SPATA16: variants seen among roughly 807,000 people sequenced by gnomAD.
SPATA16 encodes spermatogenesis associated 16, also known as spermatogenesis-associated protein 16.
SPATA16 carries 36 observed loss-of-function variants against 63.3 expected under a neutral mutation model. The ratio of observed to expected loss-of-function variants is 0.57; its 90% confidence interval spans 0.44 to 0.75. The LOEUF (loss-of-function observed/expected upper bound fraction) is 0.75, where lower values mean the gene tolerates loss of function less well. Ranked by LOEUF, SPATA16 falls within the 30% of genes least tolerant of loss-of-function variation. The probability of loss-of-function intolerance (pLI) is 0.00; values close to 1 mark genes in which losing one functional copy is unlikely to be tolerated. For synonymous variants in SPATA16, 203 were observed against 216.7 expected (o/e 0.94, Z 0.56); for missense variants, 646 against 679.3 (o/e 0.95, Z 0.54).
At chr3:173,027,367 T>G (rs1256196781) in intron 3 of SPATA16, among the ~76,000 whole-genome samples, 1 of 152,000 alleles carries the variant, frequency 6.6e-6, no homozygotes, top group African/African-American at 2.4e-5. Flanking sequence ...CAACTAAAGA[T>G]GACTTATTTA....
Position 172,939,615 on chromosome 3 carries a change from G to T in SPATA16, c.1082-14123C>A, listed in dbSNP as rs532665711. Among the ~76,000 whole-genome samples the T allele has an allele frequency of 2.6e-5, 4 of 152,288 alleles. No homozygotes were observed. The South Asian group carries it at 8.3e-4, about 32-fold the overall frequency. Reference sequence around the variant, plus strand: ...TTGGTGAAGCCCTAACACAGACTACGATTACACTGAAAGAATATAGAAATG... The same window carrying T: ...TTGGTGAAGCCCTAACACAGACTACTATTACACTGAAAGAATATAGAAATG... On this transcript the variant is annotated intron_variant, in intron 6 of 10. Coordinates refer to ENST00000351008, the MANE Select transcript of SPATA16 (RefSeq NM_031955.6).
chr3:173,014,682 G>A (rs1271366341), intron 4 of SPATA16, among the ~76,000 whole-genome samples: 1 of 152,236 alleles, frequency 6.6e-6, no homozygotes, highest in Non-Finnish European at 1.5e-5. Context: ...AATCTGCAAA[G>A]TTGAACCTAC....
chr3:173,133,638 T>A (rs1349683477), intron 1 of SPATA16, among the ~76,000 whole-genome samples: 1 of 152,116 alleles, frequency 6.6e-6, no homozygotes, highest in Non-Finnish European at 1.5e-5. Flanking sequence ...ACAATTTAAA[T>A]CTGTCTTCAG....
intron 3 of SPATA16, among the ~76,000 whole-genome samples, chr3:173,039,232 CA>C (rs1372197588): frequency 6.6e-6 from 1 of 151,992 alleles, no homozygotes; most frequent in African/African-American, 2.4e-5. Context: ...ATGACTTGTT[CA>C]ACTCATTAGA....
intron 4 of SPATA16, among the ~76,000 whole-genome samples, chr3:173,006,295 G>A (rs560203599): frequency 1.3e-5 from 2 of 152,276 alleles, no homozygotes; most frequent in South Asian, 4.1e-4. Flanking sequence ...AAAGATTAAT[G>A]CTAGAACACA....
At chr3:173,086,306 TC>T (rs1435318168) in intron 2 of SPATA16, among the ~76,000 whole-genome samples, 1 of 152,162 alleles carries the variant, frequency 6.6e-6, no homozygotes, top group Non-Finnish European at 1.5e-5. Context: ...TTCTAGACTT[TC>T]CAGTTTATTT....
chr3:173,136,899 C>T (rs143234141), intron 1 of SPATA16, among the ~76,000 whole-genome samples: 424 of 152,140 alleles, frequency 2.8e-3, no homozygotes, highest in African/African-American at 9.4e-3. Context: ...ACCAAGTAGA[C>T]GAATAAGCTT....
intron 9 of SPATA16, among the ~76,000 whole-genome samples, chr3:172,915,999 G>A (rs1488332240): frequency 1.3e-5 from 2 of 152,114 alleles, no homozygotes; most frequent in Non-Finnish European, 2.9e-5. Context: ...ATATCTTGGA[G>A]TTTATTAAAC....
chr3:172,968,594 A>G (rs1050450888), intron 5 of SPATA16, among the ~76,000 whole-genome samples: 1 of 152,218 alleles, frequency 6.6e-6, no homozygotes, highest in Non-Finnish European at 1.5e-5. Flanking sequence ...TGTATGGTTC[A>G]GGTTCTTGCC....
chr3:173,056,573 G>C lies in SPATA16; in HGVS notation c.613-7479C>G, dbSNP rs534742206. On this transcript the variant is annotated intron_variant, in intron 2 of 10. Transcript: ENST00000351008. ...CCAAAAATTAGCTGGAAGTGGTGGC[G>C]GGCCCCTGTAACCCCAACTACTAGG... is the stretch of plus-strand genomic sequence containing the variant. Among the ~76,000 whole-genome samples the C allele has an allele frequency of 5.5e-4, 83 of 151,836 alleles. 2 individuals are homozygous for C. In the South Asian group the frequency reaches 0.016, roughly 30 times the overall value.
intron 2 of SPATA16, among the ~76,000 whole-genome samples, chr3:173,106,530 T>C (rs1412888668): frequency 6.6e-6 from 1 of 151,716 alleles, no homozygotes; most frequent in East Asian, 1.9e-4. Context: ...TCAATAAATA[T>C]TTTTTATGTC....
chr3:172,893,516 T>C (rs1187818769), intron 10 of SPATA16, among the ~76,000 whole-genome samples: 1 of 152,210 alleles, frequency 6.6e-6, no homozygotes. Context: ...TGTGAAATAA[T>C]ACATTTCTGT....
At chr3:172,973,706 T>A (rs1410549345) in intron 5 of SPATA16, among the ~76,000 whole-genome samples, 1 of 152,196 alleles carries the variant, frequency 6.6e-6, no homozygotes, top group Non-Finnish European at 1.5e-5. Flanking sequence ...TAGATTTTAA[T>A]ATAAAGTTCT....
At chr3:172,923,937 A>G (rs888672096) in intron 8 of SPATA16, among the ~76,000 whole-genome samples, 4 of 152,230 alleles carry the variant, frequency 2.6e-5, no homozygotes, top group Non-Finnish European at 4.4e-5. Context: ...GCAATGTTGA[A>G]TTAGATATTA....
chr3:173,139,010 A>G (rs748883585), intron 1 of SPATA16, among the ~76,000 whole-genome samples: 40 of 152,184 alleles, frequency 2.6e-4, no homozygotes, highest in Non-Finnish European at 4.3e-4. Flanking sequence ...AATTTTCCCC[A>G]TCATATAGGG....
intron 8 of SPATA16, among the ~76,000 whole-genome samples, chr3:172,916,691 G>A (rs901261876): frequency 6.6e-6 from 1 of 152,136 alleles, no homozygotes; most frequent in African/African-American, 2.4e-5. Context: ...GTCCTTTGGA[G>A]AACTGTTGAG....
At chr3:173,066,959 A>G (rs35238207) in intron 2 of SPATA16, among the ~76,000 whole-genome samples, 21,985 of 146,646 alleles carry the variant, frequency 0.15, 1,993 homozygotes, top group South Asian at 0.24. Context: ...TTAGAGAAAC[A>G]AAGATTTTTA....
At chr3:172,929,700 G>C (rs1577093364) in intron 6 of SPATA16, among the ~76,000 whole-genome samples, 1 of 152,030 alleles carries the variant, frequency 6.6e-6, no homozygotes, top group South Asian at 2.1e-4. Context: ...CTTGTCTGTG[G>C]CTACTATTTT....
Position 172,927,601 on chromosome 3 carries a change from A to C in SPATA16, c.1082-2109T>G, listed in dbSNP as rs190872802. On this transcript the variant is annotated intron_variant, in intron 6 of 10. Transcript: ENST00000351008. ...GGAAGCAGGGCATATTATCAGGCCCACCTTACAGATGATAAAGCTGGAGCT... is the reference window on the plus strand; with the variant it reads ...GGAAGCAGGGCATATTATCAGGCCCCCCTTACAGATGATAAAGCTGGAGCT... 2.2e-3 allele frequency among the ~76,000 whole-genome samples: 333 copies of C among 152,278 alleles called. 3 individuals carry two copies. The highest frequency in any genetic ancestry group is 0.02 in the Middle Eastern group (6 of 294).
Sources: gnomAD v4.1 joint callset for allele counts (sites outside exome capture counted in the v4.1 genomes callset) on GRCh38, gnomAD v4.1.1 for gene constraint, MANE v1.5 for transcripts, NCBI Gene and HGNC (gene_info 2026-07-23, HGNC 2026-07-21) for gene names.